COL23A1: variants seen among roughly 807,000 people sequenced by gnomAD.
The protein encoded by COL23A1 is collagen type XXIII alpha 1 chain, also known as collagen alpha-1(XXIII) chain.
Under a neutral mutation model 99.3 loss-of-function variants are expected in COL23A1, and 97 were observed. The ratio of observed to expected loss-of-function variants is 0.98; its 90% confidence interval spans 0.83 to 1.16. The LOEUF is 1.16. Ranked by LOEUF, COL23A1 falls within the 50% of genes most tolerant of loss-of-function variation. COL23A1 has a pLI of 0.00. For missense variants in COL23A1, 762 were observed against 757.4 expected (o/e 1.01, Z -0.07); for synonymous variants, 320 against 308.2 (o/e 1.04, Z -0.40).
At chr5:178,259,471 C>T (rs763013054) in intron 12 of COL23A1, among the ~76,000 whole-genome samples, 14 of 152,006 alleles carry the variant, frequency 9.2e-5, no homozygotes, top group South Asian at 8.3e-4. Flanking sequence ...TTCATGTGTT[C>T]GAGGAAGGGA....
intron 2 of COL23A1, among the ~76,000 whole-genome samples, chr5:178,459,207 T>C (rs1755978602): frequency 6.6e-6 from 1 of 152,156 alleles, no homozygotes; most frequent in African/African-American, 2.4e-5. Flanking sequence ...TGTTAATTTT[T>C]AATTTGTTTA....
chr5:178,289,626 C>A (rs1415824149), intron 4 of COL23A1, among the ~76,000 whole-genome samples: 1 of 152,202 alleles, frequency 6.6e-6, no homozygotes, highest in Admixed American at 6.5e-5. Flanking sequence ...ATTCCTGGGA[C>A]AACTGCCCGA....
At chr5:178,501,848 C>A (rs1758554364) in intron 2 of COL23A1, among the ~76,000 whole-genome samples, 1 of 152,192 alleles carries the variant, frequency 6.6e-6, no homozygotes, top group Non-Finnish European at 1.5e-5. Context: ...TAATCAGGGC[C>A]CTGCCTTGGG....
intron 2 of COL23A1, among the ~76,000 whole-genome samples, chr5:178,416,537 G>C (rs1251258738): frequency 6.6e-6 from 1 of 152,194 alleles, no homozygotes; most frequent in East Asian, 1.9e-4. Context: ...GGGTTAGAGG[G>C]AGATGGGTGG....
In COL23A1 at chr5:178,589,346, CCCCGAGG is replaced by C. The variant is rs1764152072; in HGVS notation, c.294+551_294+557del. Among the ~76,000 whole-genome samples, 1 of 152,130 alleles carries C rather than the reference CCCCGAGG, an allele frequency of 6.6e-6. No homozygotes were observed. The highest frequency in any genetic ancestry group is 2.1e-4 in the South Asian group (1 of 4,826). ...GTCATGTGGGCGCCCCCACCCCCAT[CCCCGAGG>C]CCTCAGTGCGACGGTGACCGCTCAG... On this transcript the variant is annotated intron_variant, in intron 1 of 28. Transcript: ENST00000390654. The surrounding 1 kb of genome is among the most constrained non-coding windows in gnomAD (Gnocchi z 5.4).
At chr5:178,367,549 CCCTAGG>C (rs540167265) in intron 2 of COL23A1, among the ~76,000 whole-genome samples, 51 of 152,248 alleles carry the variant, frequency 3.3e-4, no homozygotes, top group African/African-American at 1.2e-3. Flanking sequence ...ATGGAGGAGA[CCCTAGG>C]TGAACACTAG....
chr5:178,257,602 C>G, intron 12 of COL23A1, 35 bp from the exon 13 acceptor site: 1 of 1,550,496 alleles, frequency 6.4e-7, no homozygotes, highest in Non-Finnish European at 8.7e-7. Flanking sequence ...GCCGGTCAGA[C>G]CCTCGGGTGG....
intron 2 of COL23A1, among the ~76,000 whole-genome samples, chr5:178,318,324 C>T (rs371199847): frequency 6.6e-6 from 1 of 152,192 alleles, no homozygotes; most frequent in Admixed American, 6.5e-5. Context: ...ACTGGGACTC[C>T]TTTTGATTGG....
At chr5:178,499,937 A>G (rs1758430700) in intron 2 of COL23A1, among the ~76,000 whole-genome samples, 2 of 152,254 alleles carry the variant, frequency 1.3e-5, no homozygotes, top group South Asian at 4.1e-4. Context: ...ACGCTGAATG[A>G]AAGAAACCAT....
chr5:178,514,237 A>G (rs1759378473), intron 2 of COL23A1, among the ~76,000 whole-genome samples: 1 of 152,132 alleles, frequency 6.6e-6, no homozygotes, highest in Non-Finnish European at 1.5e-5. Flanking sequence ...CATGTGTCAG[A>G]ATCTCCTTCC....
chr5:178,522,292 G>A (rs906646756), intron 2 of COL23A1, among the ~76,000 whole-genome samples: 7 of 152,112 alleles, frequency 4.6e-5, no homozygotes, highest in African/African-American at 1.7e-4. Flanking sequence ...CTAACCAGGC[G>A]AGTTACTGCC....
At chr5:178,238,795 T>G in intron 28 of COL23A1, 95 bp from the exon 29 acceptor site, 1 of 1,517,170 alleles carries the variant, frequency 6.6e-7, no homozygotes, top group Non-Finnish European at 9.1e-7. Flanking sequence ...TCCTGCCCAT[T>G]TCCTCCTATC....
chr5:178,494,421 G>C (rs1300113154), intron 2 of COL23A1, among the ~76,000 whole-genome samples: 1 of 152,192 alleles, frequency 6.6e-6, no homozygotes, highest in Non-Finnish European at 1.5e-5. Flanking sequence ...TGCATCAAAA[G>C]TGCTGGGTAA....
intron 2 of COL23A1, among the ~76,000 whole-genome samples, chr5:178,480,952 C>A (rs1354562507): frequency 6.6e-6 from 1 of 151,744 alleles, no homozygotes; most frequent in Non-Finnish European, 1.5e-5. Context: ...TCGAGACCAG[C>A]CTGGCCAATG....
At chr5:178,513,571 A>T (rs1265588857) in intron 2 of COL23A1, among the ~76,000 whole-genome samples, 1 of 152,080 alleles carries the variant, frequency 6.6e-6, no homozygotes, top group Non-Finnish European at 1.5e-5. Flanking sequence ...TTTCCTGCTC[A>T]TCTGGGTGGT....
chr5:178,367,583 G>A (rs972157904), intron 2 of COL23A1, among the ~76,000 whole-genome samples: 6 of 152,276 alleles, frequency 3.9e-5, no homozygotes, highest in African/African-American at 9.6e-5. Context: ...TGTACGAGCC[G>A]GGAGCCCTGA....
chr5:178,358,709 GTA>G (rs1463705759), intron 2 of COL23A1, among the ~76,000 whole-genome samples: 14 of 147,238 alleles, frequency 9.5e-5, no homozygotes, highest in African/African-American at 2.3e-4. Context: ...GTGTATGTGT[GTA>G]TGTGTGTATG....
At chr5:178,453,697 G>A (rs1206692320) in intron 2 of COL23A1, among the ~76,000 whole-genome samples, 1 of 152,168 alleles carries the variant, frequency 6.6e-6, no homozygotes, top group Non-Finnish European at 1.5e-5. Flanking sequence ...ATGCAGATGA[G>A]GGCAAAGATG....
chr5:178,444,752 C>T (rs544316364), intron 2 of COL23A1, among the ~76,000 whole-genome samples: 26 of 152,196 alleles, frequency 1.7e-4, no homozygotes, highest in African/African-American at 5.8e-4. Flanking sequence ...GCTGAGATGG[C>T]GCCACTGCAC....
Sources: allele counts gnomAD v4.1 joint callset (sites outside exome capture counted in the v4.1 genomes callset), GRCh38; gene constraint gnomAD v4.1.1; non-coding constraint Gnocchi (gnomAD v3.1); transcripts MANE v1.5; gene names NCBI Gene and HGNC (gene_info 2026-07-23, HGNC 2026-07-21).